The following FSTL4 variants were observed in gnomAD, a reference collection of about 807,000 sequenced individuals.
FSTL4 encodes the protein follistatin like 4, also known as follistatin-related protein 4.
A neutral mutation model predicts 78.2 loss-of-function variants in FSTL4; 28 were observed. That is an observed-to-expected ratio of 0.36 (90% CI 0.27 to 0.49). The LOEUF (loss-of-function observed/expected upper bound fraction) is 0.49, where lower values mean the gene tolerates loss of function less well. Among genes scored for constraint, FSTL4 ranks in the 20% least tolerant of loss-of-function variants. FSTL4 has a pLI of 0.98. For missense variants in FSTL4, 922 were observed against 1,084.9 expected (o/e 0.85, Z 2.11); for synonymous variants, 422 against 440.5 (o/e 0.96, Z 0.53).
chr5:133,526,802 C>T (rs781723750), intron 3 of FSTL4, among the ~76,000 whole-genome samples: 24 of 152,084 alleles, frequency 1.6e-4, no homozygotes, highest in South Asian at 2.1e-4. Context: ...CAGAACTTGT[C>T]GGCCAACCTG....
chr5:133,293,249 G>A (rs1753311136), intron 6 of FSTL4, among the ~76,000 whole-genome samples: 1 of 152,234 alleles, frequency 6.6e-6, no homozygotes, highest in Non-Finnish European at 1.5e-5. Flanking sequence ...GGCCACAAGA[G>A]CCTCCCAGAA....
At chr5:133,401,127 T>A in intron 3 of FSTL4, 141 bp from the exon 4 acceptor site, 1 of 857,752 alleles carries the variant, frequency 1.2e-6, no homozygotes, top group Non-Finnish European at 1.8e-6. Flanking sequence ...GGGCTTGGGG[T>A]CTCCTAGGGA....
At chr5:133,632,498 T>G in the FSTL4 span, among the ~76,000 whole-genome samples, 1 of 152,202 alleles carries the variant, frequency 6.6e-6, no homozygotes, top group Non-Finnish European at 1.5e-5. Flanking sequence ...TTCAAGGTAG[T>G]TCTGCTGGAG....
intron 3 of FSTL4, among the ~76,000 whole-genome samples, chr5:133,564,270 G>C (rs942372991): frequency 9.2e-5 from 14 of 152,144 alleles, no homozygotes; most frequent in Non-Finnish European, 1.8e-4. Flanking sequence ...ACAGGTTCTG[G>C]TTTAGGACTT....
At chr5:133,524,735 G>C (rs1484186599) in intron 3 of FSTL4, among the ~76,000 whole-genome samples, 1 of 152,220 alleles carries the variant, frequency 6.6e-6, no homozygotes, top group African/African-American at 2.4e-5. Flanking sequence ...TAGCGCTAAA[G>C]CCAGGAAAAT....
chr5:133,788,586 C>T, the FSTL4 span, among the ~76,000 whole-genome samples: 392 of 152,322 alleles, frequency 2.6e-3, 2 homozygotes, highest in Admixed American at 4.3e-3. Context: ...CCAAGTCCAG[C>T]CTCTCTGAGC....
At chr5:133,761,734 T>C in the FSTL4 span, among the ~76,000 whole-genome samples, 1 of 152,160 alleles carries the variant, frequency 6.6e-6, no homozygotes, top group African/African-American at 2.4e-5. Flanking sequence ...AGGCTGGAGG[T>C]GCTTGACAGC....
At chr5:133,771,806 C>G in the FSTL4 span, among the ~76,000 whole-genome samples, 1 of 152,078 alleles carries the variant, frequency 6.6e-6, no homozygotes, top group African/African-American at 2.4e-5. Flanking sequence ...TAATGTACAT[C>G]AAGAGAGCAA....
At chr5:133,205,168 T>G (rs752583401) in intron 14 of FSTL4, among the ~76,000 whole-genome samples, 1 of 152,238 alleles carries the variant, frequency 6.6e-6, no homozygotes, top group African/African-American at 2.4e-5. Context: ...TTTCCTTCTA[T>G]TCCTATGTTT....
At chr5:133,835,014 T>TA in the FSTL4 span, among the ~76,000 whole-genome samples, 1 of 152,176 alleles carries the variant, frequency 6.6e-6, no homozygotes, top group Non-Finnish European at 1.5e-5. Flanking sequence ...CAAAACTCTT[T>TA]AAAAATAAGT....
At chr5:133,278,965 T>A (rs912128220) in intron 6 of FSTL4, among the ~76,000 whole-genome samples, 1 of 152,178 alleles carries the variant, frequency 6.6e-6, no homozygotes, top group Non-Finnish European at 1.5e-5. Context: ...TAGCTGCACA[T>A]GTGTTTTGCC....
At chr5:133,761,457 T>A in the FSTL4 span, among the ~76,000 whole-genome samples, 2 of 152,216 alleles carry the variant, frequency 1.3e-5, no homozygotes, top group African/African-American at 2.4e-5. Context: ...TAATACATAA[T>A]TCCAGTCCAA....
chr5:133,377,103 A>G lies in FSTL4; in HGVS notation c.409+23635T>C, dbSNP rs887376855. On this transcript the variant is annotated intron_variant, in intron 4 of 15. Coordinates refer to ENST00000265342, the MANE Select transcript of FSTL4 (RefSeq NM_015082.2). Reference sequence around the variant, plus strand: ...GGGAGGTCAGGATGCCAGCACAACTAATCCCTGCCAGCTCCAGGCTGTGGA... The same window carrying G: ...GGGAGGTCAGGATGCCAGCACAACTGATCCCTGCCAGCTCCAGGCTGTGGA... Among the ~76,000 whole-genome samples, 55 of 152,100 alleles carry G rather than the reference A, an allele frequency of 3.6e-4. 1 individual carries two copies. The highest frequency in any genetic ancestry group is 1.2e-3 in the African/African-American group (50 of 41,410).
the FSTL4 span, among the ~76,000 whole-genome samples, chr5:133,662,224 T>C: frequency 0.023 from 3,445 of 152,322 alleles, 140 homozygotes; most frequent in African/African-American, 0.078. Flanking sequence ...TATAAATAGA[T>C]AAGCTCACTA....
In FSTL4 at chr5:133,198,557, C is replaced by A. The variant is rs963302377; in HGVS notation, c.*538G>T. On this transcript the variant is annotated 3_prime_UTR_variant, in exon 16 of 16. Coordinates refer to ENST00000265342, the MANE Select transcript of FSTL4 (RefSeq NM_015082.2). The stretch of plus-strand genomic sequence containing the variant: ...CAAGATGCAGTAAGTCTTGTTGGCT[C>A]TCCCTCAGGCTTACAGCAAGTCAAA... 9 of 152,798 alleles carry A rather than the reference C, an allele frequency of 5.9e-5. No individual in the cohort carries two copies. Among genetic ancestry groups the A allele is most frequent in the African/African-American group, 2.2e-4 (9 of 41,452 alleles). 9.5% of individuals were successfully genotyped at this position (152,798 alleles called of 1,614,324 possible). A position where few individuals can be genotyped will look rare whatever the true frequency, so the allele number is the denominator to read the frequency against.
intron 3 of FSTL4, among the ~76,000 whole-genome samples, chr5:133,545,482 C>T (rs948796823): frequency 6.6e-6 from 1 of 152,134 alleles, no homozygotes; most frequent in Non-Finnish European, 1.5e-5. Flanking sequence ...AGCATGAAGC[C>T]CTCACCAGAA....
At chr5:133,515,060 T>C (rs1037020817) in intron 3 of FSTL4, among the ~76,000 whole-genome samples, 2 of 152,108 alleles carry the variant, frequency 1.3e-5, no homozygotes, top group African/African-American at 2.4e-5. Context: ...GAAACTATAA[T>C]ATAGAAGAAT....
At chr5:133,404,222 G>T (rs1441540778) in intron 3 of FSTL4, among the ~76,000 whole-genome samples, 2 of 152,224 alleles carry the variant, frequency 1.3e-5, no homozygotes, top group African/African-American at 4.8e-5. Context: ...CAGCTACACA[G>T]ATGCTGACCC....
At chr5:133,276,281 T>A (rs1313538616) in intron 6 of FSTL4, among the ~76,000 whole-genome samples, 1 of 152,186 alleles carries the variant, frequency 6.6e-6, no homozygotes, top group Non-Finnish European at 1.5e-5. Flanking sequence ...TTGGGGCCTG[T>A]GATGCTGGAC....
Sources: allele counts gnomAD v4.1 joint callset (sites outside exome capture counted in the v4.1 genomes callset), GRCh38; gene constraint gnomAD v4.1.1; transcripts MANE v1.5; gene names NCBI Gene and HGNC (gene_info 2026-07-23, HGNC 2026-07-21).